The following FRA10AC1 variants were observed in gnomAD, a reference collection of about 807,000 sequenced individuals.
The protein encoded by FRA10AC1 is protein FRA10AC1.
Under a neutral mutation model 56.5 loss-of-function variants are expected in FRA10AC1, and 43 were observed. The ratio of observed to expected loss-of-function variants is 0.76; its 90% CI spans 0.60 to 0.98. The LOEUF is 0.98. FRA10AC1 is among the 50% of genes least tolerant of loss of function. The pLI is 0.00. For missense variants in FRA10AC1, 346 were observed against 351.8 expected (o/e 0.98, Z 0.13); for synonymous variants, 112 against 110.5 (o/e 1.01, Z -0.09).
intron 12 of FRA10AC1, 181 bp from the exon 13 acceptor site, chr10:93,671,029 G>T: frequency 2.0e-6 from 1 of 499,142 alleles, no homozygotes; most frequent in Non-Finnish European, 3.6e-6. Flanking sequence ...TAAGCCAAGG[G>T]TTACCAAAGA....
intron 11 of FRA10AC1, 77 bp from the exon 12 acceptor site, chr10:93,676,768 T>G: frequency 6.9e-7 from 1 of 1,456,966 alleles, no homozygotes; most frequent in Non-Finnish European, 9.1e-7. Context: ...CCAGAATTCT[T>G]AGCAATATTC....
chr10:93,694,479 G>C (rs2059194245), intron 5 of FRA10AC1, among the ~76,000 whole-genome samples: 1 of 151,950 alleles, frequency 6.6e-6, no homozygotes, highest in Non-Finnish European at 1.5e-5. Flanking sequence ...AGTTTGGGAG[G>C]CCAAGACAGG....
At chr10:93,691,357 T>G (rs1005122576) in intron 7 of FRA10AC1, among the ~76,000 whole-genome samples, 6 of 152,070 alleles carry the variant, frequency 3.9e-5, no homozygotes, top group Admixed American at 2.6e-4. Flanking sequence ...TTTTAGTTTT[T>G]GTGGAGACAA....
At chr10:93,681,424 G>T in intron 11 of FRA10AC1, 56 bp downstream of exon 11, 1 of 1,111,464 alleles carries the variant, frequency 9.0e-7, no homozygotes, top group Non-Finnish European at 1.3e-6. Flanking sequence ...AAATATGGCA[G>T]ATTATATTTC....
In FRA10AC1 at chr10:93,668,319, A is replaced by T. The variant is rs1297632650; in HGVS notation, c.*1507T>A. The T allele has an allele frequency of 2.0e-5, 3 of 152,156 alleles. No homozygotes were observed. Among genetic ancestry groups the T allele is most frequent in the African/African-American group, 7.2e-5 (3 of 41,446 alleles). 9.4% of individuals were successfully genotyped at this position (152,156 alleles called of 1,614,324 possible). A position where few individuals can be genotyped will look rare whatever the true frequency, so the allele number is the denominator to read the frequency against. On this transcript the variant is annotated 3_prime_UTR_variant, in exon 14 of 14. Coordinates refer to ENST00000359204, the MANE Select transcript of FRA10AC1 (RefSeq NM_145246.5). ...CCATCTATTTGCTCTTTATAAAAGC[A>T]GATCTTTGCTAGTTTTCAGAAATCA... is the stretch of plus-strand genomic sequence containing the variant.
At chr10:93,701,894 C>T (rs2059338940) in intron 1 of FRA10AC1, among the ~76,000 whole-genome samples, 1 of 151,922 alleles carries the variant, frequency 6.6e-6, no homozygotes, top group African/African-American at 2.4e-5. Context: ...TGTTCCTTAA[C>T]CTCTCCAAGC....
Position 93,696,046 on chromosome 10 carries a change from G to A in FRA10AC1, c.220-1109C>T, listed in dbSNP as rs138457192. 1.6e-3 allele frequency among the ~76,000 whole-genome samples: 248 copies of A among 152,234 alleles called. 1 individual carries two copies. Among genetic ancestry groups the A allele is most frequent in the African/African-American group, 5.3e-3 (220 of 41,532 alleles). On this transcript the variant is annotated intron_variant, in intron 4 of 13. Coordinates refer to ENST00000359204, the MANE Select transcript of FRA10AC1 (RefSeq NM_145246.5). ...GGTGGTGGGTGTAACTTTTGCTTCCGGGAAGATGGAGTAGGCAAAGATGTA... is the reference window on the plus strand; with the variant it reads ...GGTGGTGGGTGTAACTTTTGCTTCCAGGAAGATGGAGTAGGCAAAGATGTA...
chr10:93,685,998 T>C (rs1485334183), intron 8 of FRA10AC1, among the ~76,000 whole-genome samples: 1 of 151,628 alleles, frequency 6.6e-6, no homozygotes, highest in African/African-American at 2.4e-5. Flanking sequence ...GTCCACAATA[T>C]ATTAAAACCT....
At position 93,684,049 on chromosome 10, in the gene FRA10AC1, A is replaced by G; in HGVS notation, c.668+7T>C. On this transcript the variant is annotated splice_region_variant and intron_variant, in intron 10 of 13. Coordinates refer to ENST00000359204, the MANE Select transcript of FRA10AC1 (RefSeq NM_145246.5). ...AACATTAAGAATGGCATTTTAAAAG[A>G]CATTACCTGTGATGGAAATTTAATT... 1.3e-6 allele frequency: 2 copies of G among 1,578,218 alleles called. No homozygotes were observed. Among genetic ancestry groups the G allele is most frequent in the Non-Finnish European group, 1.7e-6 (2 of 1,148,466 alleles).
At chr10:93,674,452 G>T (rs2058811697) in intron 12 of FRA10AC1, 1 of 152,186 alleles carries the variant, frequency 6.6e-6, no homozygotes, top group Non-Finnish European at 1.5e-5. Context: ...GAGGATATCT[G>T]GGGTTGGCAT....
Position 93,684,083 on chromosome 10 carries a change from C to T in FRA10AC1, c.641G>A (p.Cys214Tyr). Residue 214 changes from cysteine to tyrosine, a missense_variant, in exon 10 of 14, where the codon TGT becomes TAT. Cys to Tyr is a radical substitution (Grantham distance 194, BLOSUM62 -2). Coordinates refer to ENST00000359204, the MANE Select transcript of FRA10AC1 (RefSeq NM_145246.5). The part of the protein sequence containing the change: ...ALVKLRLCQE[C>Y]SIKLNFHHRR... ...GTGATGGAAATTTAATTTAATGGAA[C>T]ATTCTTGGCATAACCCTAAAAAGAA... 6.2e-7 allele frequency: 1 copy of T among 1,606,544 alleles called. No individual in the cohort carries two copies. The highest frequency in any genetic ancestry group is 8.5e-7 in the Non-Finnish European group (1 of 1,173,994).
intron 12 of FRA10AC1, chr10:93,671,936 T>G: frequency 2.5e-6 from 1 of 394,964 alleles, no homozygotes. Flanking sequence ...TAAAGACATT[T>G]TATTAAAGAT....
chr10:93,692,594 G>A (rs778810738), intron 6 of FRA10AC1, 52 bp downstream of exon 6: 1 of 1,158,954 alleles, frequency 8.6e-7, no homozygotes, highest in Non-Finnish European at 1.3e-6. Context: ...TCAGAAAACA[G>A]GAGAAACAGG....
rs750582874 is a variant in FRA10AC1 at position 93,694,848 on chromosome 10, T to C, written c.296+13A>G. The C allele has an allele frequency of 1.3e-6, 2 of 1,513,432 alleles. No homozygotes were observed. Among genetic ancestry groups the C allele is most frequent in the East Asian group, 4.6e-5 (2 of 43,778 alleles). 93.8% of individuals were successfully genotyped at this position (1,513,432 alleles called of 1,614,324 possible). On this transcript the variant is annotated intron_variant, in intron 5 of 13. Transcript: ENST00000359204. ...ACCCACATTCCCTTCTATGTAAACT[T>C]CCTGATACTTACCCCAAACGCTTGA...
At position 93,688,465 on chromosome 10, in the gene FRA10AC1, T is replaced by C. The variant is rs1382919238; in HGVS notation, c.466-1016A>G. On this transcript the variant is annotated intron_variant, in intron 7 of 13. Coordinates refer to ENST00000359204, the MANE Select transcript of FRA10AC1 (RefSeq NM_145246.5). ...TTACACATTTGTCAAAGCAGTTGAATGTACAATACCAAGAGTGAACCCTAA... is the reference window on the plus strand; with the variant it reads ...TTACACATTTGTCAAAGCAGTTGAACGTACAATACCAAGAGTGAACCCTAA... Among the ~76,000 whole-genome samples the C allele has an allele frequency of 2.6e-5, 4 of 152,274 alleles. No homozygotes were observed. The East Asian group carries it at 5.8e-4, about 22-fold the overall frequency.
Position 93,670,812 on chromosome 10 carries a change from T to A in FRA10AC1, c.863A>T (p.Glu288Val), listed in dbSNP as rs774371942. The A allele has an allele frequency of 2.0e-5, 32 of 1,612,384 alleles. No individual in the cohort carries two copies. Among genetic ancestry groups the A allele is most frequent in the Non-Finnish European group, 2.7e-5 (32 of 1,178,766 alleles). Residue 288 changes from glutamate to valine, a missense_variant, in exon 13 of 14, where the codon GAA (glutamate) becomes GTA (valine). Coordinates refer to ENST00000359204, the MANE Select transcript of FRA10AC1 (RefSeq NM_145246.5). ...SDEEESASES[E>V]LWKGPLPETD... ...CTCTGGTAGTGGACCCTTCCAAAGT[T>A]CAGATTCTGAAGCACTTTCTTCCTC...
At chr10:93,694,236 A>G (rs926559093) in intron 5 of FRA10AC1, among the ~76,000 whole-genome samples, 1 of 152,172 alleles carries the variant, frequency 6.6e-6, no homozygotes, top group South Asian at 2.1e-4. Context: ...ACATCAAGGT[A>G]TAAAAATTTC....
chr10:93,672,469 T>A (rs985990532), intron 12 of FRA10AC1: 1 of 155,196 alleles, frequency 6.4e-6, no homozygotes, highest in Non-Finnish European at 1.4e-5. Flanking sequence ...AACTCATTAA[T>A]ATGAGATAAA....
chr10:93,689,059 G>GT (rs1564817921), intron 7 of FRA10AC1, among the ~76,000 whole-genome samples: 1 of 109,862 alleles, frequency 9.1e-6, no homozygotes, highest in Admixed American at 9.9e-5. Flanking sequence ...TTTGTTGTGG[G>GT]GTTTTTTTTT....
Sources: allele counts gnomAD v4.1 joint callset (sites outside exome capture counted in the v4.1 genomes callset), GRCh38; gene constraint gnomAD v4.1.1; transcripts MANE v1.5; gene names NCBI Gene and HGNC (gene_info 2026-07-23, HGNC 2026-07-21).